Variants in RAP1A observed in about 807,000 individuals in gnomAD.
The protein encoded by RAP1A is RAP1A, member of RAS oncogene family.
RAP1A carries 6 observed loss-of-function variants against 26.4 expected under a neutral mutation model. The ratio of observed to expected loss-of-function variants is 0.23; its 90% CI spans 0.12 to 0.45. The LOEUF is 0.45. RAP1A is among the 20% of genes least tolerant of loss of function. RAP1A has a pLI of 0.99. For synonymous variants in RAP1A, 73 were observed against 79.4 expected, an observed-to-expected ratio of 0.92 and a Z score of 0.43; for missense variants, 121 against 217.2, an observed-to-expected ratio of 0.56 and a Z score of 2.78.
rs149830306 is a variant in RAP1A, at chr1:111,651,937, CTTT to C, written c.-28+32013_-28+32015del. On this transcript the variant is annotated intron_variant, in intron 1 of 7. Coordinates refer to ENST00000369709, the MANE Select transcript of RAP1A (RefSeq NM_002884.4). ...CCAAATATATGTATTTTTTAATTGA[CTTT>C]TTTTTTTTTGTGCAAAAAGTTTAGT... Among the ~76,000 whole-genome samples, 9 of 145,818 alleles carry C rather than the reference CTTT, an allele frequency of 6.2e-5. No individual in the cohort carries two copies. In the East Asian group the frequency reaches 1.6e-3, roughly 26 times the overall value.
At chr1:111,677,151 T>G (rs1423029187) in intron 1 of RAP1A, among the ~76,000 whole-genome samples, 1 of 152,214 alleles carries the variant, frequency 6.6e-6, no homozygotes, top group Non-Finnish European at 1.5e-5. Context: ...GTCTGTCTTA[T>G]TTTGCTGAAC....
intron 1 of RAP1A, among the ~76,000 whole-genome samples, chr1:111,653,103 A>G (rs974728925): frequency 2.6e-5 from 4 of 152,236 alleles, no homozygotes; most frequent in Non-Finnish European, 4.4e-5. Context: ...TACTGACACA[A>G]CTTCAACATC....
intron 1 of RAP1A, among the ~76,000 whole-genome samples, chr1:111,643,124 A>C (rs1005921067): frequency 6.6e-6 from 1 of 152,168 alleles, no homozygotes; most frequent in East Asian, 1.9e-4. Context: ...TTTTGGGGCC[A>C]TATGGTCCCT....
At chr1:111,602,187 C>T (rs527687976) in intron 1 of RAP1A, 1 of 152,266 alleles carries the variant, frequency 6.6e-6, no homozygotes, top group Admixed American at 6.5e-5. Flanking sequence ...GAAGACAGTA[C>T]CCACCTGTGG....
chr1:111,630,218 G>A (rs983652259), intron 1 of RAP1A, among the ~76,000 whole-genome samples: 10 of 152,186 alleles, frequency 6.6e-5, no homozygotes, highest in Non-Finnish European at 1.3e-4. Context: ...AAAACAAAAT[G>A]AAGTGTACTG....
chr1:111,566,493 C>T (rs998936666), intron 1 of RAP1A, among the ~76,000 whole-genome samples: 2 of 152,084 alleles, frequency 1.3e-5, no homozygotes, highest in African/African-American at 2.4e-5. Context: ...TAAAGGGATG[C>T]GGGGTGTGAG....
At chr1:111,553,458 AC>A (rs1657354019) in intron 1 of RAP1A, among the ~76,000 whole-genome samples, 1 of 152,230 alleles carries the variant, frequency 6.6e-6, no homozygotes, top group Non-Finnish European at 1.5e-5. Context: ...CATGTCTTCC[AC>A]CATCATCCAC....
chr1:111,678,061 T>C (rs894436459), intron 1 of RAP1A, among the ~76,000 whole-genome samples: 1 of 152,252 alleles, frequency 6.6e-6, no homozygotes, highest in Non-Finnish European at 1.5e-5. Flanking sequence ...TTTTATAGTC[T>C]AGAAATCAGA....
chr1:111,628,345 T>C (rs908733685), intron 1 of RAP1A, among the ~76,000 whole-genome samples: 1 of 152,186 alleles, frequency 6.6e-6, no homozygotes, highest in Non-Finnish European at 1.5e-5. Context: ...GTGGTAGGAA[T>C]GGCATGTGCC....
At chr1:111,696,912 C>T (rs950063319) in intron 3 of RAP1A, among the ~76,000 whole-genome samples, 2 of 151,994 alleles carry the variant, frequency 1.3e-5, no homozygotes, top group African/African-American at 4.8e-5. Flanking sequence ...TTTTAGTACT[C>T]CTGTGTTTCT....
chr1:111,570,884 G>A (rs151127731), intron 1 of RAP1A, among the ~76,000 whole-genome samples: 10 of 152,298 alleles, frequency 6.6e-5, no homozygotes, highest in Non-Finnish European at 1.2e-4. Flanking sequence ...CCCACCAAGC[G>A]CCACTTCCCA....
At chr1:111,552,128 C>T (rs182804948) in intron 1 of RAP1A, among the ~76,000 whole-genome samples, 2 of 152,314 alleles carry the variant, frequency 1.3e-5, no homozygotes, top group East Asian at 3.8e-4. Flanking sequence ...CAAATGACTC[C>T]AGATAGTGAC....
intron 1 of RAP1A, among the ~76,000 whole-genome samples, chr1:111,545,831 T>C (rs1420591847): frequency 6.6e-6 from 1 of 152,154 alleles, no homozygotes; most frequent in Non-Finnish European, 1.5e-5. Context: ...CTTCATTCTT[T>C]GATATGTAGA....
intron 1 of RAP1A, chr1:111,649,485 T>C: frequency 3.2e-6 from 1 of 314,794 alleles, no homozygotes; most frequent in South Asian, 3.4e-5. Context: ...CATAGCTGGC[T>C]GCCTTGACAG....
intron 1 of RAP1A, among the ~76,000 whole-genome samples, chr1:111,543,955 A>G (rs1307666056): frequency 6.6e-6 from 1 of 152,176 alleles, no homozygotes; most frequent in African/African-American, 2.4e-5. Context: ...AGTCCCTACT[A>G]GAGTCTGTGT....
At chr1:111,667,211 A>G (rs780063121) in intron 1 of RAP1A, among the ~76,000 whole-genome samples, 16 of 152,172 alleles carry the variant, frequency 1.1e-4, no homozygotes, top group Non-Finnish European at 2.9e-5. Flanking sequence ...TTCTTTGCTC[A>G]GGTCATTCTG....
At chr1:111,692,009 C>T (rs1213523438) in intron 2 of RAP1A, among the ~76,000 whole-genome samples, 2 of 152,110 alleles carry the variant, frequency 1.3e-5, no homozygotes, top group African/African-American at 4.8e-5. Context: ...AGAAGAAAGG[C>T]AGAGTGGATG....
chr1:111,556,164 A>G (rs1657484002), intron 1 of RAP1A, among the ~76,000 whole-genome samples: 3 of 152,228 alleles, frequency 2.0e-5, no homozygotes. Context: ...AGTAAATAAA[A>G]AGATATTCAA....
chr1:111,568,375 C>T (rs552150895), intron 1 of RAP1A, among the ~76,000 whole-genome samples: 2 of 152,082 alleles, frequency 1.3e-5, no homozygotes, highest in African/African-American at 2.4e-5. Flanking sequence ...GGAACCCACA[C>T]GTGGTGGGGA....
Sources: allele counts gnomAD v4.1 joint callset (sites outside exome capture counted in the v4.1 genomes callset), GRCh38; gene constraint gnomAD v4.1.1; transcripts MANE v1.5; gene names NCBI Gene and HGNC (gene_info 2026-07-23, HGNC 2026-07-21).